DCP1B: variants seen among roughly 807,000 people sequenced by gnomAD.
DCP1B encodes the protein decapping mRNA 1B.
A neutral mutation model predicts 60.5 loss-of-function variants in DCP1B; 47 were observed. The observed-to-expected ratio is 0.78, with a 90% CI of 0.61 to 0.99. DCP1B has a LOEUF of 0.99. DCP1B is among the 50% of genes least tolerant of loss of function. The pLI is 0.00. For synonymous variants in DCP1B, 267 were observed against 280.3 expected (o/e 0.95, Z 0.47); for missense variants, 725 against 756.8 (o/e 0.96, Z 0.49).
At chr12:2,003,157 TA>T (rs1255022628) in intron 1 of DCP1B, among the ~76,000 whole-genome samples, 1 of 152,214 alleles carries the variant, frequency 6.6e-6, no homozygotes, top group East Asian at 1.9e-4. Flanking sequence ...CTTGTCTTTT[TA>T]TTTTTATGTT....
At chr12:1,999,060 A>C (rs147164155) in intron 1 of DCP1B, among the ~76,000 whole-genome samples, 27 of 152,364 alleles carry the variant, frequency 1.8e-4, no homozygotes, top group African/African-American at 6.3e-4. Flanking sequence ...TGGGTCTCAA[A>C]GTGTTATCCC....
At chr12:1,960,787 C>A (rs913128503) in intron 5 of DCP1B, among the ~76,000 whole-genome samples, 1 of 152,196 alleles carries the variant, frequency 6.6e-6, no homozygotes, top group African/African-American at 2.4e-5. Context: ...TCTTTTATCA[C>A]ATCACCAATA....
At chr12:1,994,219 G>T (rs558979852) in intron 2 of DCP1B, among the ~76,000 whole-genome samples, 6 of 152,294 alleles carry the variant, frequency 3.9e-5, no homozygotes, top group Admixed American at 3.9e-4. Context: ...GGTGACAAAT[G>T]AAACACCACA....
intron 5 of DCP1B, among the ~76,000 whole-genome samples, chr12:1,958,197 G>A (rs1157791005): frequency 7.1e-6 from 1 of 140,296 alleles, no homozygotes; most frequent in African/African-American, 2.7e-5. Flanking sequence ...GCTCCCTAAC[G>A]TTGCTCTGGG....
At position 1,952,935 on chromosome 12, in the gene DCP1B, C is replaced by A. The variant is rs1265912249; in HGVS notation, c.1005G>T (p.Gly335=). 5.0e-6 allele frequency: 8 copies of A among 1,614,160 alleles called. No homozygotes were observed. The South Asian group carries it at 6.6e-5, about 13-fold the overall frequency. ...GEFFTGPVQP[G]SPHNIGTSRG... ...GAGAAGTTCCAATGTTGTGAGGAGA[C>A]CCTGGCTGGACAGGTCCTGTAAAAA... The change falls in exon 7 of 9, where the codon GGG becomes GGT. Residue 335 remains glycine, a synonymous_variant. Transcript: ENST00000280665.
chr12:1,961,155 G>A (rs944081431), intron 5 of DCP1B, among the ~76,000 whole-genome samples: 3 of 152,164 alleles, frequency 2.0e-5, no homozygotes, highest in African/African-American at 7.2e-5. Context: ...AGAAGGGGTG[G>A]GAACAGTATG....
At chr12:1,965,753 A>G (rs574663522) in intron 4 of DCP1B, 60 bp from the exon 5 acceptor site, 172 of 1,542,066 alleles carry the variant, frequency 1.1e-4, no homozygotes, top group Non-Finnish European at 1.5e-4. Context: ...AACAATGTTT[A>G]AAACCATCCC....
intron 1 of DCP1B, among the ~76,000 whole-genome samples, chr12:2,000,994 G>A (rs969649591): frequency 3.3e-5 from 5 of 150,378 alleles, no homozygotes; most frequent in African/African-American, 9.8e-5. Flanking sequence ...CCATGGTCAC[G>A]CCATTGCACT....
intron 5 of DCP1B, among the ~76,000 whole-genome samples, chr12:1,963,924 G>A (rs1465399678): frequency 6.6e-6 from 1 of 152,108 alleles, no homozygotes; most frequent in African/African-American, 2.4e-5. Context: ...ATCTTATGTA[G>A]TTTTAACTTA....
rs531557873 is a variant in DCP1B at position 1,961,559 on chromosome 12, G to A, written c.522+3999C>T. On this transcript the variant is annotated intron_variant, in intron 5 of 8. Coordinates refer to ENST00000280665, the MANE Select transcript of DCP1B (RefSeq NM_152640.5). ...TCAACATTATAACAAATCTGTGAGG[G>A]CATAAAGATGAACAGAACATTGTTT... is the stretch of plus-strand genomic sequence containing the variant. Among the ~76,000 whole-genome samples, 37 of 152,306 alleles carry A rather than the reference G, an allele frequency of 2.4e-4. No homozygotes were observed. The South Asian group carries it at 4.1e-3, about 17-fold the overall frequency.
chr12:1,943,694 G>C (rs1448002597), downstream of DCP1B, among the ~76,000 whole-genome samples: 1 of 152,116 alleles, frequency 6.6e-6, no homozygotes, highest in African/African-American at 2.4e-5. Context: ...AAAACCACAT[G>C]ATTATCTCAA....
In DCP1B at chr12:1,997,927, A is replaced by T. The variant is rs1028792156; in HGVS notation, c.191+8T>A. On this transcript the variant is annotated splice_region_variant and intron_variant, in intron 2 of 8. Transcript: ENST00000280665. Reference sequence around the variant, plus strand: ...ATTAGTTTCTTTATAAAAGTGAAACACTCTTACCTTGTATAAACAAATAAG... The same window carrying T: ...ATTAGTTTCTTTATAAAAGTGAAACTCTCTTACCTTGTATAAACAAATAAG... 7 of 1,597,516 alleles carry T rather than the reference A, an allele frequency of 4.4e-6. No individual in the cohort carries two copies. Among genetic ancestry groups the T allele is most frequent in the Non-Finnish European group, 5.1e-6 (6 of 1,173,194 alleles).
chr12:1,951,817 T>C (rs376871564), intron 7 of DCP1B, among the ~76,000 whole-genome samples: 1 of 152,348 alleles, frequency 6.6e-6, no homozygotes, highest in East Asian at 1.9e-4. Flanking sequence ...AATAATTTAC[T>C]GTGGACTGAA....
intron 2 of DCP1B, among the ~76,000 whole-genome samples, chr12:1,993,956 C>T (rs1434908854): frequency 2.6e-5 from 4 of 152,158 alleles, no homozygotes; most frequent in African/African-American, 4.8e-5. Context: ...GTTTACATAA[C>T]AGTGCAAAGG....
intron 2 of DCP1B, among the ~76,000 whole-genome samples, chr12:1,993,627 GGTGTGT>G (rs150056084): frequency 8.9e-5 from 13 of 146,582 alleles, no homozygotes; most frequent in African/African-American, 1.5e-4. Flanking sequence ...CTTCATTTGT[GGTGTGT>G]GTGTGTGTGT....
intron 3 of DCP1B, among the ~76,000 whole-genome samples, chr12:1,983,558 A>C (rs1004999161): frequency 2.6e-5 from 4 of 152,008 alleles, no homozygotes; most frequent in African/African-American, 9.7e-5. Flanking sequence ...TTGATGTCTA[A>C]TTTAATTCTA....
chr12:1,961,447 G>A (rs149945410), intron 5 of DCP1B: 2 of 152,284 alleles, frequency 1.3e-5, no homozygotes, highest in East Asian at 3.9e-4. Flanking sequence ...CACAGTTGGA[G>A]CAACTGACAT....
intron 3 of DCP1B, among the ~76,000 whole-genome samples, chr12:1,975,005 C>T (rs1343854503): frequency 1.3e-5 from 2 of 152,070 alleles, no homozygotes; most frequent in African/African-American, 4.8e-5. Flanking sequence ...ATAGGAATAG[C>T]TCTGCTGAAA....
chr12:1,952,529 G>T lies in DCP1B; in HGVS notation c.1411C>A (p.Pro471Thr). Residue 471 changes from proline to threonine, a missense_variant, in exon 7 of 9, where the codon CCA becomes ACA. Coordinates refer to ENST00000280665, the MANE Select transcript of DCP1B (RefSeq NM_152640.5). The stretch of plus-strand genomic sequence containing the variant: ...ACAGGAAACTTAGCGGCCAAGGCTG[G>T]CCGGTTAGAGGCATGCAGCTGCTGC... ...QEQQLHASNR[P>T]ALAAKFPVLA... The T allele has an allele frequency of 6.2e-7, 1 of 1,614,178 alleles. No homozygotes were observed. Among genetic ancestry groups the T allele is most frequent in the Non-Finnish European group, 8.5e-7 (1 of 1,180,022 alleles).
Sources: allele counts gnomAD v4.1 joint callset (sites outside exome capture counted in the v4.1 genomes callset), GRCh38; gene constraint gnomAD v4.1.1; transcripts MANE v1.5; gene names NCBI Gene and HGNC (gene_info 2026-07-23, HGNC 2026-07-21).